The following PLCL1 variants were observed in gnomAD, a reference collection of about 807,000 sequenced individuals.
PLCL1 encodes the protein phospholipase C like 1 (inactive), also known as inactive phospholipase C-like protein 1.
PLCL1 carries 41 observed loss-of-function variants against 84.4 expected under a neutral mutation model. That is an observed-to-expected ratio of 0.49 (90% confidence interval 0.38 to 0.63). The LOEUF (loss-of-function observed/expected upper bound fraction) is 0.63. Among genes scored for constraint, PLCL1 ranks in the 30% least tolerant of loss-of-function variants. The pLI is 0.00. For missense variants in PLCL1, 1,206 were observed against 1,367.8 expected, an observed-to-expected ratio of 0.88 and a Z score of 1.87; for synonymous variants, 490 against 488.3, an observed-to-expected ratio of 1.00 and a Z score of -0.05.
At chr2:197,966,558 G>A (rs973712087) in intron 1 of PLCL1, among the ~76,000 whole-genome samples, 14 of 152,122 alleles carry the variant, frequency 9.2e-5, no homozygotes, top group African/African-American at 3.4e-4. Flanking sequence ...AACAATCACT[G>A]TGCTCTCCCT....
At position 198,084,460 on chromosome 2, in the gene PLCL1, G is replaced by A; in HGVS notation, c.943G>A (p.Glu315Lys). The A allele has an allele frequency of 6.2e-7, 1 of 1,614,016 alleles. No individual in the cohort carries two copies. Among genetic ancestry groups the A allele is most frequent in the Non-Finnish European group, 8.5e-7 (1 of 1,179,888 alleles). The change falls in exon 2 of 6, where the codon GAA becomes AAA. Residue 315 changes from glutamate (E) to lysine (K), a missense_variant. Physicochemically the swap from Glu to Lys is moderately conservative, Grantham distance 56. Coordinates refer to ENST00000428675, the MANE Select transcript of PLCL1 (RefSeq NM_006226.4). ...TTTTTGTGAACTTTGCACCAGGCCA[G>A]AAGTGTATTTCTTACTTGTACAGAT... is the stretch of plus-strand genomic sequence containing the variant. ...EAFCELCTRP[E>K]VYFLLVQISK...
intron 1 of PLCL1, among the ~76,000 whole-genome samples, chr2:197,877,911 AG>A (rs1425058537): frequency 6.6e-6 from 1 of 152,100 alleles, no homozygotes; most frequent in African/African-American, 2.4e-5. Flanking sequence ...GCCATTTTTC[AG>A]GAGTAAGTAG....
intron 5 of PLCL1, among the ~76,000 whole-genome samples, chr2:198,119,443 A>G (rs1693820738): frequency 6.6e-6 from 1 of 151,944 alleles, no homozygotes; most frequent in South Asian, 2.1e-4. Context: ...CACATTTTAT[A>G]TTCTCCAGGC....
intron 1 of PLCL1, among the ~76,000 whole-genome samples, chr2:198,021,821 G>T (rs1691140622): frequency 6.6e-6 from 1 of 152,160 alleles, no homozygotes; most frequent in Non-Finnish European, 1.5e-5. Flanking sequence ...GAGGTACAAA[G>T]ACAAGCTGGT....
intron 1 of PLCL1, among the ~76,000 whole-genome samples, chr2:197,872,600 T>C (rs906115512): frequency 2.6e-5 from 4 of 152,176 alleles, no homozygotes; most frequent in African/African-American, 7.2e-5. Flanking sequence ...GCTTCATTTT[T>C]CCCATCTGAT....
chr2:197,915,522 AT>A lies in PLCL1; in HGVS notation c.240+110197del, dbSNP rs879865594. ...TCAAAATTTTACTCTTCAGAAGGAG[AT>A]TTTTTTTTTTTTTGAAGTCCGATGG... On this transcript the variant is annotated intron_variant, in intron 1 of 5. Coordinates refer to ENST00000428675, the MANE Select transcript of PLCL1 (RefSeq NM_006226.4). Among the ~76,000 whole-genome samples, 498 of 142,930 alleles carry A rather than the reference AT, an allele frequency of 3.5e-3. 1 individual carries two copies. Among genetic ancestry groups the A allele is most frequent in the Admixed American group, 3.3e-3 (47 of 14,272 alleles). 93.8% of individuals were successfully genotyped at this position (142,930 alleles called of 152,430 possible). A position where few individuals can be genotyped will look rare whatever the true frequency, so the allele number is the denominator to read the frequency against.
intron 1 of PLCL1, among the ~76,000 whole-genome samples, chr2:197,890,794 A>C (rs1688009557): frequency 6.9e-6 from 1 of 144,870 alleles, no homozygotes; most frequent in African/African-American, 2.6e-5. Flanking sequence ...ATATATGTAT[A>C]TATATATTTG....
At chr2:197,984,030 T>C (rs928157422) in intron 1 of PLCL1, among the ~76,000 whole-genome samples, 3 of 152,240 alleles carry the variant, frequency 2.0e-5, no homozygotes, top group African/African-American at 7.2e-5. Flanking sequence ...CTAGCAGTTG[T>C]ATTTATATTA....
intron 1 of PLCL1, among the ~76,000 whole-genome samples, chr2:198,028,625 A>C (rs1691330241): frequency 6.6e-6 from 1 of 152,184 alleles, no homozygotes; most frequent in Non-Finnish European, 1.5e-5. Flanking sequence ...TGGAAGAGAG[A>C]GATCACGGTC....
chr2:198,078,215 C>A (rs1692627104), intron 1 of PLCL1, among the ~76,000 whole-genome samples: 1 of 152,060 alleles, frequency 6.6e-6, no homozygotes, highest in Admixed American at 6.6e-5. Context: ...CTGTAATGTG[C>A]TAGACTTTGT....
chr2:197,991,939 G>C (rs1284586703), intron 1 of PLCL1, among the ~76,000 whole-genome samples: 2 of 152,126 alleles, frequency 1.3e-5, no homozygotes, highest in African/African-American at 4.8e-5. Flanking sequence ...GTCTTCCATG[G>C]GTGAAAACAT....
intron 1 of PLCL1, among the ~76,000 whole-genome samples, chr2:197,933,438 T>C (rs1023664723): frequency 6.6e-6 from 1 of 152,082 alleles, no homozygotes; most frequent in Non-Finnish European, 1.5e-5. Flanking sequence ...TAATTTTTTG[T>C]ATTTTTAGTA....
intron 1 of PLCL1, among the ~76,000 whole-genome samples, chr2:197,913,263 AG>A (rs770737479): frequency 1.3e-5 from 2 of 152,362 alleles, no homozygotes; most frequent in Middle Eastern, 3.4e-3. Context: ...TTGGACTCCA[AG>A]GGCCAGTTTG....
intron 5 of PLCL1, among the ~76,000 whole-genome samples, chr2:198,129,179 C>G (rs1694062350): frequency 1.3e-5 from 2 of 152,142 alleles, no homozygotes; most frequent in African/African-American, 4.8e-5. Context: ...AATTTACCTC[C>G]TTTAGAGAAG....
Position 198,085,754 on chromosome 2 carries a change from T to C in PLCL1, c.2237T>C (p.Ile746Thr). The C allele has an allele frequency of 1.2e-6, 2 of 1,613,616 alleles. No homozygotes were observed. Among genetic ancestry groups the C allele is most frequent in the Non-Finnish European group, 1.7e-6 (2 of 1,179,504 alleles). Residue 746 changes from isoleucine to threonine, a missense_variant, in exon 2 of 6, where the codon ATA becomes ACA. By Grantham distance (89) the Ile-to-Thr change is moderately conservative. Transcript: ENST00000428675. The surrounding 1 kb of genome is among the most constrained non-coding windows in gnomAD (Gnocchi z 5.3). ...PKGACAKGDV[I>T]DPYVCIEIHG... ...GGAGCTTGTGCCAAAGGGGATGTCA[T>C]AGATCCCTATGTTTGTATAGAGATA...
At chr2:198,095,602 A>G (rs1286306957) in intron 3 of PLCL1, among the ~76,000 whole-genome samples, 1 of 152,186 alleles carries the variant, frequency 6.6e-6, no homozygotes, top group East Asian at 1.9e-4. Context: ...CCAGCAGGAG[A>G]TGTAACCTGG....
intron 1 of PLCL1, among the ~76,000 whole-genome samples, chr2:197,954,645 A>T (rs186418550): frequency 6.6e-6 from 1 of 152,102 alleles, no homozygotes; most frequent in Admixed American, 6.6e-5. Context: ...AAGTATGATT[A>T]TATTCAGAAA....
At chr2:197,957,568 G>T (rs73056880) in intron 1 of PLCL1, among the ~76,000 whole-genome samples, 1 of 151,816 alleles carries the variant, frequency 6.6e-6, no homozygotes, top group Admixed American at 6.6e-5. Context: ...GTGACCATTG[G>T]CATTCTAGTC....
intron 1 of PLCL1, among the ~76,000 whole-genome samples, chr2:198,006,432 T>G (rs1044653489): frequency 6.6e-6 from 1 of 152,130 alleles, no homozygotes; most frequent in Non-Finnish European, 1.5e-5. Flanking sequence ...AAGTATAACT[T>G]TTGGAGTATA....
Sources: gnomAD v4.1 joint callset for allele counts (sites outside exome capture counted in the v4.1 genomes callset) on GRCh38, gnomAD v4.1.1 for gene constraint, Gnocchi (gnomAD v3.1) non-coding constraint, MANE v1.5 for transcripts, NCBI Gene and HGNC (gene_info 2026-07-23, HGNC 2026-07-21) for gene names.